The following ANXA11 variants were observed in gnomAD, a reference collection of about 807,000 sequenced individuals.
ANXA11 encodes 56 kDa autoantigen.
In ANXA11, 57 loss-of-function variants were observed where a neutral mutation model predicts 64.7. The ratio of observed to expected loss-of-function variants is 0.88; its 90% CI spans 0.71 to 1.10. The LOEUF (loss-of-function observed/expected upper bound fraction) is 1.10, where lower values mean the gene tolerates loss of function less well. Ranked by LOEUF, ANXA11 falls within the 50% of genes least tolerant of loss-of-function variation. The probability of loss-of-function intolerance (pLI) is 0.00; values close to 1 mark genes in which losing one functional copy is unlikely to be tolerated. For synonymous variants in ANXA11, 260 were observed against 265.2 expected, an observed-to-expected ratio of 0.98 and a Z score of 0.19; for missense variants, 675 against 670.7, an observed-to-expected ratio of 1.01 and a Z score of -0.07.
intron 3 of ANXA11, chr10:80,171,479 C>G (rs1010573738): frequency 2.4e-5 from 11 of 454,050 alleles, no homozygotes; most frequent in Non-Finnish European, 3.2e-5. Context: ...GTGAAAAGCC[C>G]GCTCTGAAAC....
Position 80,164,058 on chromosome 10 carries a change from T to C in ANXA11, c.944A>G (p.Lys315Arg), listed in dbSNP as rs372493671. Residue 315 changes from lysine (K) to arginine (R), a missense_variant, in exon 9 of 16, where the codon AAA becomes AGA. By Grantham distance (26) the Lys-to-Arg change is conservative. Transcript: ENST00000422982. ...EHIRELNRAY[K>R]AEFKKTLEEA... ...GGCAGAGGGAGCGGCCTCACCTGCT[T>C]TGTAGGCTCTGTTTAATTCTCGGAT... 57 of 1,613,698 alleles carry C rather than the reference T, an allele frequency of 3.5e-5. No homozygotes were observed. The highest frequency in any genetic ancestry group is 4.8e-5 in the Non-Finnish European group (57 of 1,179,826).
intron 15 of ANXA11, chr10:80,157,065 T>G: frequency 1.0e-6 from 1 of 984,108 alleles, no homozygotes; most frequent in Non-Finnish European, 1.2e-6. Flanking sequence ...TGACCTGCAC[T>G]GCCTCACTCA....
chr10:80,178,159 AC>A (rs994368384), intron 1 of ANXA11, among the ~76,000 whole-genome samples: 2 of 151,768 alleles, frequency 1.3e-5, no homozygotes, highest in African/African-American at 4.8e-5. Flanking sequence ...CCTGTCCAGC[AC>A]CCACTCCCCA....
intron 7 of ANXA11, 23 bp from the exon 8 acceptor site, chr10:80,166,220 A>C (rs925308838): frequency 2.2e-6 from 3 of 1,383,430 alleles, no homozygotes; most frequent in Non-Finnish European, 3.0e-6. Context: ...TCAAACAAAC[A>C]ACCAACAAAA....
Position 80,163,606 on chromosome 10 carries a change from T to C in ANXA11, c.957A>G (p.Lys319=), listed in dbSNP as rs1845609177. ...ELNRAYKAEF[K]KTLEEAIRSD... Reference sequence around the variant, plus strand: ...TTCGAATGGCCTCTTCCAGGGTCTTTTTGAATTCTGAAAGGGAGAAGCAAG... The same window carrying C: ...TTCGAATGGCCTCTTCCAGGGTCTTCTTGAATTCTGAAAGGGAGAAGCAAG... Residue 319 remains lysine, a synonymous_variant, in exon 10 of 16, where the codon AAA becomes AAG. Coordinates refer to ENST00000422982, the MANE Select transcript of ANXA11 (RefSeq NM_145868.2). 1 of 1,553,522 alleles carries C rather than the reference T, an allele frequency of 6.4e-7. No homozygotes were observed. Among genetic ancestry groups the C allele is most frequent in the Non-Finnish European group, 8.7e-7 (1 of 1,148,604 alleles).
chr10:80,163,632 G>A lies in ANXA11; in HGVS notation c.950-19C>T, dbSNP rs1589420343. ...TTGAATTCTGAAAGGGAGAAGCAAG[G>A]AAGGTCCATCCTGTAGCTCTCTTTA... On this transcript the variant is annotated intron_variant, in intron 9 of 15. Transcript: ENST00000422982. 6.5e-7 allele frequency: 1 copy of A among 1,549,160 alleles called. No homozygotes were observed. Among genetic ancestry groups the A allele is most frequent in the Non-Finnish European group, 8.7e-7 (1 of 1,146,096 alleles).
intron 1 of ANXA11, among the ~76,000 whole-genome samples, chr10:80,198,198 C>T (rs1321607618): frequency 6.6e-6 from 1 of 152,244 alleles, no homozygotes; most frequent in Admixed American, 6.5e-5. Context: ...CTGAGGAACA[C>T]AGGCTTAGCC....
chr10:80,199,592 G>A (rs918613708), intron 1 of ANXA11, among the ~76,000 whole-genome samples: 2 of 152,048 alleles, frequency 1.3e-5, no homozygotes, highest in Non-Finnish European at 2.9e-5. Context: ...GATTACTTGA[G>A]CCCAGGAGTT....
In ANXA11 at chr10:80,166,057, C is replaced by T. The variant is rs757227678; in HGVS notation, c.858+27G>A. On this transcript the variant is annotated intron_variant, in intron 8 of 15. Coordinates refer to ENST00000422982, the MANE Select transcript of ANXA11 (RefSeq NM_145868.2). ...ACACACGCGCGCACACACACACACA[C>T]ACACACACACACACACACGTACACA... The T allele has an allele frequency of 2.0e-5, 26 of 1,301,198 alleles. No individual in the cohort carries two copies. In the African/African-American group the frequency reaches 3.6e-4, roughly 18 times the overall value. The allele number at this position is 1,301,198 out of a possible 1,614,324, so 80.6% of individuals were successfully genotyped here.
chr10:80,174,591 A>G (rs1481110489), intron 2 of ANXA11, among the ~76,000 whole-genome samples: 1 of 150,876 alleles, frequency 6.6e-6, no homozygotes, highest in Admixed American at 6.6e-5. Context: ...TTTATTTTTT[A>G]AACAGCGTCT....
At position 80,174,782 on chromosome 10, in the gene ANXA11, C is replaced by T. The variant is rs143265498; in HGVS notation, c.-9+1325G>A. Among the ~76,000 whole-genome samples the T allele has an allele frequency of 2.1e-3, 327 of 152,302 alleles. 1 individual carries two copies. Among genetic ancestry groups the T allele is most frequent in the African/African-American group, 7.4e-3 (307 of 41,580 alleles). Reference sequence around the variant, plus strand: ...CATGTTGGCCAGGCTGGTCTGAACTCCTGGCCTCAAGTGATCTGCCCGCTG... The same window carrying T: ...CATGTTGGCCAGGCTGGTCTGAACTTCTGGCCTCAAGTGATCTGCCCGCTG... On this transcript the variant is annotated intron_variant, in intron 2 of 15. Transcript: ENST00000422982.
chr10:80,157,246 T>C lies in ANXA11; in HGVS notation c.1458+395A>G, dbSNP rs549990796. 2.0e-4 allele frequency: 198 copies of C among 985,440 alleles called. No individual in the cohort carries two copies. The Middle Eastern group carries it at 4.2e-3, about 21-fold the overall frequency. The allele number at this position is 985,440 out of a possible 1,614,324, so 61.0% of individuals were successfully genotyped here. On this transcript the variant is annotated intron_variant, in intron 15 of 15. Coordinates refer to ENST00000422982, the MANE Select transcript of ANXA11 (RefSeq NM_145868.2). ...GCCCTCGCTCTGAACGGCCTTACTATGTGGCCTACGCCATAAAGCTGAGTG... is the reference window on the plus strand; with the variant it reads ...GCCCTCGCTCTGAACGGCCTTACTACGTGGCCTACGCCATAAAGCTGAGTG...
rs1181754860 is a variant in ANXA11, at chr10:80,177,125, AC to A, written c.-57-971del. Among the ~76,000 whole-genome samples, 11 of 152,002 alleles carry A rather than the reference AC, an allele frequency of 7.2e-5. No homozygotes were observed. The East Asian group carries it at 2.1e-3, about 29-fold the overall frequency. On this transcript the variant is annotated intron_variant, in intron 1 of 15. Coordinates refer to ENST00000422982, the MANE Select transcript of ANXA11 (RefSeq NM_145868.2). Reference sequence around the variant, plus strand: ...CTCCCAAGTAGCTGGGACTACAGGCACCTGAGGCACCTGCCACCACACCAGG... The same window carrying A: ...CTCCCAAGTAGCTGGGACTACAGGCACTGAGGCACCTGCCACCACACCAGG...
At chr10:80,163,709 G>A (rs1197376428) in intron 9 of ANXA11, 96 bp from the exon 10 acceptor site, 6 of 1,178,306 alleles carry the variant, frequency 5.1e-6, no homozygotes, top group Non-Finnish European at 7.4e-6. Context: ...GGGAGAAAAA[G>A]GCTGGAGGTC....
intron 13 of ANXA11, among the ~76,000 whole-genome samples, chr10:80,158,818 C>T (rs1157537387): frequency 1.3e-5 from 2 of 152,164 alleles, no homozygotes; most frequent in Admixed American, 6.5e-5. Flanking sequence ...CCTCCGGGAG[C>T]GCAGTTGGAT....
intron 13 of ANXA11, among the ~76,000 whole-genome samples, chr10:80,158,620 G>A (rs545615814): frequency 6.6e-6 from 1 of 152,192 alleles, no homozygotes; most frequent in African/African-American, 2.4e-5. Flanking sequence ...CAGTGGGAGG[G>A]CCCTGCTAGA....
intron 1 of ANXA11, among the ~76,000 whole-genome samples, chr10:80,180,246 C>T (rs1181802976): frequency 6.6e-6 from 1 of 152,320 alleles, no homozygotes; most frequent in East Asian, 1.9e-4. Flanking sequence ...AAAGGGAAGC[C>T]TTGCTGTGTC....
chr10:80,187,751 G>A (rs1278623065), intron 1 of ANXA11, among the ~76,000 whole-genome samples: 2 of 152,110 alleles, frequency 1.3e-5, no homozygotes, highest in Non-Finnish European at 2.9e-5. Context: ...CGCCTAGGAG[G>A]GACCAGCAAA....
chr10:80,201,978 C>T (rs1589458698), intron 1 of ANXA11, among the ~76,000 whole-genome samples: 2 of 152,174 alleles, frequency 1.3e-5, no homozygotes, highest in South Asian at 4.1e-4. Flanking sequence ...TTCTTTTCTG[C>T]TAAGGCGGAG....
Sources: gnomAD v4.1 joint callset for allele counts (sites outside exome capture counted in the v4.1 genomes callset) on GRCh38, gnomAD v4.1.1 for gene constraint, MANE v1.5 for transcripts, NCBI Gene and HGNC (gene_info 2026-07-23, HGNC 2026-07-21) for gene names.